PDGFC: variants seen among roughly 807,000 people sequenced by gnomAD.
PDGFC encodes platelet-derived growth factor C.
PDGFC carries 12 observed loss-of-function variants against 35.5 expected under a neutral mutation model. The observed-to-expected ratio is 0.34, with a 90% CI of 0.22 to 0.55. PDGFC has a LOEUF of 0.55. Ranked by LOEUF, PDGFC falls within the 20% of genes least tolerant of loss-of-function variation. PDGFC has a pLI of 0.91. For synonymous variants in PDGFC, 159 were observed against 148.8 expected, an observed-to-expected ratio of 1.07 and a Z score of -0.50; for missense variants, 322 against 412.4, an observed-to-expected ratio of 0.78 and a Z score of 1.90.
At chr4:156,822,122 G>A (rs1242622273) in intron 2 of PDGFC, among the ~76,000 whole-genome samples, 3 of 152,038 alleles carry the variant, frequency 2.0e-5, no homozygotes, top group Non-Finnish European at 4.4e-5. Flanking sequence ...CAGTTTGGGA[G>A]GCCAAGGCGG....
intron 1 of PDGFC, among the ~76,000 whole-genome samples, chr4:156,885,504 T>A (rs1730355308): frequency 6.6e-6 from 1 of 152,248 alleles, no homozygotes; most frequent in Admixed American, 6.5e-5. Flanking sequence ...TCTAACAATT[T>A]AAATATCAAT....
intron 2 of PDGFC, among the ~76,000 whole-genome samples, chr4:156,823,050 AACC>A (rs1732314673): frequency 6.6e-6 from 1 of 152,014 alleles, no homozygotes; most frequent in Non-Finnish European, 1.5e-5. Flanking sequence ...TCATATTCTT[AACC>A]ATTACATGAT....
At chr4:156,955,547 A>C (rs1019291299) in intron 1 of PDGFC, among the ~76,000 whole-genome samples, 7 of 152,062 alleles carry the variant, frequency 4.6e-5, no homozygotes, top group Non-Finnish European at 8.8e-5. Flanking sequence ...GCTGGGAAAA[A>C]CCCTATTTGC....
intron 1 of PDGFC, among the ~76,000 whole-genome samples, chr4:156,860,018 G>C (rs376331674): frequency 3.3e-5 from 5 of 152,146 alleles, no homozygotes; most frequent in Admixed American, 3.3e-4. Context: ...CTTTCAAACT[G>C]ATCTGAAGAT....
chr4:156,940,788 T>C (rs531892972), intron 1 of PDGFC, among the ~76,000 whole-genome samples: 1 of 152,258 alleles, frequency 6.6e-6, no homozygotes, highest in African/African-American at 2.4e-5. Flanking sequence ...CTGTGTGATA[T>C]CACTGAATGC....
At chr4:156,836,433 T>C (rs1435540168) in intron 2 of PDGFC, among the ~76,000 whole-genome samples, 2 of 152,232 alleles carry the variant, frequency 1.3e-5, no homozygotes, top group Non-Finnish European at 2.9e-5. Context: ...TTTAATCTAA[T>C]AACTTTCTCC....
At chr4:156,936,488 C>T (rs1209828457) in intron 1 of PDGFC, among the ~76,000 whole-genome samples, 1 of 152,150 alleles carries the variant, frequency 6.6e-6, no homozygotes, top group Admixed American at 6.5e-5. Flanking sequence ...GTTTTTTACC[C>T]TTTCTCTGGA....
At chr4:156,836,253 A>G (rs998303884) in intron 2 of PDGFC, among the ~76,000 whole-genome samples, 1 of 152,160 alleles carries the variant, frequency 6.6e-6, no homozygotes, top group Admixed American at 6.5e-5. Context: ...GGGTGATATG[A>G]GCATCTGCCA....
At chr4:156,957,034 C>A (rs1732229576) in intron 1 of PDGFC, among the ~76,000 whole-genome samples, 1 of 151,868 alleles carries the variant, frequency 6.6e-6, no homozygotes, top group Admixed American at 6.6e-5. Context: ...CAAAAATTAT[C>A]TCAAGGATCA....
At chr4:156,923,648 G>C (rs961014542) in intron 1 of PDGFC, among the ~76,000 whole-genome samples, 1 of 152,112 alleles carries the variant, frequency 6.6e-6, no homozygotes, top group Non-Finnish European at 1.5e-5. Context: ...TCATTAGAGT[G>C]ACCAACATTT....
Position 156,899,671 on chromosome 4 carries a change from G to T in PDGFC, c.119-49255C>A, listed in dbSNP as rs180864945. Among the ~76,000 whole-genome samples the T allele has an allele frequency of 3.5e-3, 529 of 152,108 alleles. 3 individuals are homozygous for T. Among genetic ancestry groups the T allele is most frequent in the African/African-American group, 0.012 (499 of 41,520 alleles). ...CTCTACTAAAAACACAAAAGTTAGCGGAGGTTGGTGGCACACACCTGTAAT... is the reference window on the plus strand; with the variant it reads ...CTCTACTAAAAACACAAAAGTTAGCTGAGGTTGGTGGCACACACCTGTAAT... On this transcript the variant is annotated intron_variant, in intron 1 of 5. Coordinates refer to ENST00000502773, the MANE Select transcript of PDGFC (RefSeq NM_016205.3).
intron 2 of PDGFC, among the ~76,000 whole-genome samples, chr4:156,824,655 T>C (rs1055771052): frequency 1.3e-5 from 2 of 152,148 alleles, no homozygotes; most frequent in Non-Finnish European, 2.9e-5. Flanking sequence ...CTACTACCTA[T>C]GTGTAGATAA....
At chr4:156,903,026 A>C (rs1356004181) in intron 1 of PDGFC, among the ~76,000 whole-genome samples, 1 of 151,996 alleles carries the variant, frequency 6.6e-6, no homozygotes, top group Non-Finnish European at 1.5e-5. Context: ...CATGTCAAAT[A>C]AATTCCACCC....
intron 2 of PDGFC, among the ~76,000 whole-genome samples, chr4:156,824,285 C>CATATATATATATAT (rs58698115): frequency 2.2e-4 from 20 of 92,826 alleles, no homozygotes; most frequent in South Asian, 3.7e-4. Flanking sequence ...ACAATGTAAG[C>CATATATATATATAT]ATATATATAT....
intron 2 of PDGFC, among the ~76,000 whole-genome samples, chr4:156,830,247 AT>A (rs1025171058): frequency 4.6e-5 from 7 of 151,060 alleles, no homozygotes; most frequent in African/African-American, 1.7e-4. Flanking sequence ...CAGGAATTGC[AT>A]TAAAAAAAAA....
chr4:156,881,177 A>C (rs943081715), intron 1 of PDGFC, among the ~76,000 whole-genome samples: 3 of 152,200 alleles, frequency 2.0e-5, no homozygotes, highest in African/African-American at 7.2e-5. Flanking sequence ...CACCACTTTG[A>C]ACAGTCAGCA....
At chr4:156,902,311 C>A (rs1415719933) in intron 1 of PDGFC, among the ~76,000 whole-genome samples, 3 of 152,142 alleles carry the variant, frequency 2.0e-5, no homozygotes, top group African/African-American at 7.2e-5. Context: ...TTTAATGAGT[C>A]TTAATATTCT....
intron 3 of PDGFC, among the ~76,000 whole-genome samples, chr4:156,780,413 A>C (rs978602038): frequency 2.6e-5 from 4 of 152,176 alleles, no homozygotes; most frequent in African/African-American, 9.7e-5. Context: ...AAATCTTTGA[A>C]GACACTTTCT....
chr4:156,846,417 A>G (rs937117287), intron 2 of PDGFC, among the ~76,000 whole-genome samples: 4 of 151,770 alleles, frequency 2.6e-5, no homozygotes, highest in Non-Finnish European at 5.9e-5. Context: ...ATTATGAAGA[A>G]ATATTCAGAT....
Sources: gnomAD v4.1 joint callset for allele counts (sites outside exome capture counted in the v4.1 genomes callset) on GRCh38, gnomAD v4.1.1 for gene constraint, MANE v1.5 for transcripts, NCBI Gene and HGNC (gene_info 2026-07-23, HGNC 2026-07-21) for gene names.